The following NCKAP5 variants were observed in gnomAD, a reference collection of about 807,000 sequenced individuals.
NCKAP5 encodes NCK associated protein 5.
NCKAP5 carries 92 observed loss-of-function variants against 167.0 expected under a neutral mutation model. The observed-to-expected ratio is 0.55, with a 90% CI of 0.47 to 0.66. The LOEUF (loss-of-function observed/expected upper bound fraction) is 0.66, where lower values mean the gene tolerates loss of function less well. NCKAP5 is among the 30% of genes least tolerant of loss of function. NCKAP5 has a pLI of 0.00. For synonymous variants in NCKAP5, 891 were observed against 877.4 expected (o/e 1.02, Z -0.27); for missense variants, 2,378 against 2,315.0 (o/e 1.03, Z -0.56).
chr2:133,214,097 C>T (rs1438590500), intron 4 of NCKAP5, among the ~76,000 whole-genome samples: 1 of 152,154 alleles, frequency 6.6e-6, no homozygotes, highest in Non-Finnish European at 1.5e-5. Flanking sequence ...GTTGACTTTT[C>T]TCTATCAACT....
chr2:133,509,244 A>G (rs1683277072), intron 3 of NCKAP5, among the ~76,000 whole-genome samples: 1 of 152,252 alleles, frequency 6.6e-6, no homozygotes. Context: ...AAAATATATC[A>G]AAGAATTCAA....
the NCKAP5 span, among the ~76,000 whole-genome samples, chr2:133,671,069 G>T: frequency 6.6e-6 from 1 of 151,916 alleles, no homozygotes; most frequent in South Asian, 2.1e-4. Context: ...CAAAAAATTA[G>T]CTGGGCGTGG....
At chr2:132,792,883 T>C (rs1339586697) in intron 12 of NCKAP5, among the ~76,000 whole-genome samples, 3 of 152,214 alleles carry the variant, frequency 2.0e-5, no homozygotes, top group Non-Finnish European at 4.4e-5. Context: ...TGTCCATGTG[T>C]TTACCTCCTG....
intron 7 of NCKAP5, among the ~76,000 whole-genome samples, chr2:132,969,661 C>T (rs1002535638): frequency 6.6e-6 from 1 of 151,988 alleles, no homozygotes; most frequent in Non-Finnish European, 1.5e-5. Flanking sequence ...TGCTCTCTGA[C>T]ACAGATCCTT....
At chr2:133,142,547 C>T (rs1298222475) in intron 5 of NCKAP5, among the ~76,000 whole-genome samples, 1 of 152,076 alleles carries the variant, frequency 6.6e-6, no homozygotes, top group African/African-American at 2.4e-5. Context: ...CAATGTTTAG[C>T]CCTTTCTCGT....
intron 3 of NCKAP5, among the ~76,000 whole-genome samples, chr2:133,516,716 C>A (rs770022005): frequency 6.6e-6 from 1 of 152,208 alleles, no homozygotes; most frequent in Non-Finnish European, 1.5e-5. Context: ...AAGCACATCC[C>A]TATAAAATGT....
intron 7 of NCKAP5, among the ~76,000 whole-genome samples, chr2:132,980,774 G>GA (rs796808647): frequency 5.5e-5 from 8 of 145,558 alleles, no homozygotes; most frequent in Admixed American, 2.0e-4. Flanking sequence ...AAGCTCAGAA[G>GA]AAAAAAAAAG....
chr2:133,595,349 T>A, the NCKAP5 span, among the ~76,000 whole-genome samples: 2 of 151,802 alleles, frequency 1.3e-5, no homozygotes, highest in East Asian at 3.9e-4. Flanking sequence ...TCCAATTTCT[T>A]CCTTCTCCTC....
At chr2:133,173,514 GTGA>G (rs2084333743) in intron 5 of NCKAP5, among the ~76,000 whole-genome samples, 2 of 152,086 alleles carry the variant, frequency 1.3e-5, no homozygotes, top group African/African-American at 4.8e-5. Flanking sequence ...CATCCCCCAG[GTGA>G]TGATGTCTGA....
At chr2:132,769,403 A>G (rs1462923898) in intron 16 of NCKAP5, among the ~76,000 whole-genome samples, 2 of 152,214 alleles carry the variant, frequency 1.3e-5, no homozygotes, top group South Asian at 2.1e-4. Flanking sequence ...AGAACAATAC[A>G]TTTAGATTTG....
rs751990037 is a variant in NCKAP5, at chr2:132,790,103, G to A, written c.1012C>T (p.Leu338=). 2 of 1,613,534 alleles carry A rather than the reference G, an allele frequency of 1.2e-6. No individual in the cohort carries two copies. The highest frequency in any genetic ancestry group is 1.7e-6 in the Non-Finnish European group (2 of 1,179,698). The change falls in exon 13 of 20, where the codon CTG becomes TTG. Residue 338 remains leucine, a synonymous_variant. Transcript: ENST00000409261. ...PRNSYSSSSE[L]SLSSTCSEYS... ...TCGCTGCAGGTGCTTGAAAGAGACAGTTCACTGCTGCTACTGTAGCTGTTT... is the reference window on the plus strand; with the variant it reads ...TCGCTGCAGGTGCTTGAAAGAGACAATTCACTGCTGCTACTGTAGCTGTTT...
chr2:133,539,535 A>G (rs867099642), intron 2 of NCKAP5, among the ~76,000 whole-genome samples: 19 of 152,342 alleles, frequency 1.2e-4, no homozygotes, highest in African/African-American at 4.3e-4. Flanking sequence ...TAGAATACCA[A>G]TCATAAAAAG....
chr2:133,659,433 G>C, the NCKAP5 span, among the ~76,000 whole-genome samples: 1 of 152,028 alleles, frequency 6.6e-6, no homozygotes, highest in South Asian at 2.1e-4. Flanking sequence ...TGCACTAAGC[G>C]AAGAACTTTT....
chr2:133,578,031 A>G, the NCKAP5 span, among the ~76,000 whole-genome samples: 2 of 152,184 alleles, frequency 1.3e-5, no homozygotes, highest in African/African-American at 4.8e-5. Flanking sequence ...TAAGCCTACT[A>G]CAATTTCTAT....
At chr2:132,941,836 T>A (rs979782342) in intron 8 of NCKAP5, among the ~76,000 whole-genome samples, 2 of 152,200 alleles carry the variant, frequency 1.3e-5, no homozygotes, top group South Asian at 4.1e-4. Context: ...AAATAATTAT[T>A]GATGAAAGAA....
intron 5 of NCKAP5, among the ~76,000 whole-genome samples, chr2:133,165,754 GGTC>G (rs1471372751): frequency 6.6e-6 from 1 of 152,062 alleles, no homozygotes; most frequent in Non-Finnish European, 1.5e-5. Flanking sequence ...CAGATACCCA[GGTC>G]ATTTGCTGGC....
chr2:133,414,986 G>A (rs759042343), intron 3 of NCKAP5, among the ~76,000 whole-genome samples: 8 of 152,142 alleles, frequency 5.3e-5, no homozygotes, highest in Admixed American at 1.3e-4. Flanking sequence ...TCCCGCCCTA[G>A]TGTTGAACTT....
chr2:133,252,267 A>G (rs574150600), intron 4 of NCKAP5, among the ~76,000 whole-genome samples: 13 of 152,250 alleles, frequency 8.5e-5, no homozygotes, highest in African/African-American at 2.9e-4. Flanking sequence ...GATTACTTAG[A>G]AGAGCTATAA....
At chr2:133,480,561 G>C (rs1173297821) in intron 3 of NCKAP5, among the ~76,000 whole-genome samples, 1 of 152,146 alleles carries the variant, frequency 6.6e-6, no homozygotes, top group Non-Finnish European at 1.5e-5. Flanking sequence ...AAGTGAGAAA[G>C]TGTTTACTCT....
Sources: allele counts gnomAD v4.1 joint callset (sites outside exome capture counted in the v4.1 genomes callset), GRCh38; gene constraint gnomAD v4.1.1; transcripts MANE v1.5; gene names NCBI Gene and HGNC (gene_info 2026-07-23, HGNC 2026-07-21).